ZNF624: variants seen among roughly 807,000 people sequenced by gnomAD.
ZNF624 encodes zinc finger protein 624.
A neutral mutation model predicts 74.7 loss-of-function variants in ZNF624; 43 were observed. The observed-to-expected ratio is 0.58, with a 90% CI of 0.45 to 0.74. The LOEUF (loss-of-function observed/expected upper bound fraction) is 0.74. Among genes scored for constraint, ZNF624 ranks in the 30% least tolerant of loss-of-function variants. ZNF624 has a pLI of 0.00. For missense variants in ZNF624, 820 were observed against 1,030.0 expected, an observed-to-expected ratio of 0.80 and a Z score of 2.79; for synonymous variants, 331 against 341.3, an observed-to-expected ratio of 0.97 and a Z score of 0.33.
chr17:16,635,065 TCC>T (rs1909295889), intron 3 of ZNF624, among the ~76,000 whole-genome samples: 1 of 152,216 alleles, frequency 6.6e-6, no homozygotes, highest in Non-Finnish European at 1.5e-5. Flanking sequence ...CACGGTTTCC[TCC>T]TTCCCTAGAA....
intron 3 of ZNF624, among the ~76,000 whole-genome samples, chr17:16,635,668 T>TATTA (rs1909311521): frequency 6.6e-6 from 1 of 152,136 alleles, no homozygotes; most frequent in South Asian, 2.1e-4. Context: ...TAAATAATCA[T>TATTA]ATTAATTACA....
intron 1 of ZNF624, among the ~76,000 whole-genome samples, chr17:16,652,290 C>A (rs1909744454): frequency 6.6e-6 from 1 of 152,072 alleles, no homozygotes; most frequent in African/African-American, 2.4e-5. Flanking sequence ...CCAAGTTTTA[C>A]AAGGTTGCAA....
In ZNF624 at chr17:16,652,017, G is replaced by A. The variant is rs552230068; in HGVS notation, c.-3+1747C>T. 1.9e-3 allele frequency among the ~76,000 whole-genome samples: 295 copies of A among 152,096 alleles called. 2 individuals are homozygous for A. The highest frequency in any genetic ancestry group is 6.7e-3 in the African/African-American group (276 of 41,478). The stretch of plus-strand genomic sequence containing the variant: ...CTGTTACACAATAGGGATTCTGAAG[G>A]GTGAAGGAGTGGGAGGGGGGTGGAG... On this transcript the variant is annotated intron_variant, in intron 1 of 5. Coordinates refer to ENST00000311331, the MANE Select transcript of ZNF624 (RefSeq NM_020787.4).
chr17:16,616,361 C>G (rs1908792563), downstream of ZNF624, among the ~76,000 whole-genome samples: 1 of 152,068 alleles, frequency 6.6e-6, no homozygotes, highest in Non-Finnish European at 1.5e-5. Context: ...TTCAATAAGG[C>G]AATCATCTTG....
intron 1 of ZNF624, among the ~76,000 whole-genome samples, chr17:16,652,066 T>C (rs1229291660): frequency 6.6e-6 from 1 of 152,066 alleles, no homozygotes; most frequent in Non-Finnish European, 1.5e-5. Flanking sequence ...TTAATGGGTA[T>C]AATGTACGTT....
At chr17:16,617,643 T>C (rs1397091281), downstream of ZNF624, 14 of 1,607,908 alleles carry the variant, frequency 8.7e-6, no homozygotes, top group Non-Finnish European at 1.7e-6. Context: ...TCCGTAGCTG[T>C]AGCTGTCGCG....
At chr17:16,653,299 G>A (rs973420563) in intron 1 of ZNF624, among the ~76,000 whole-genome samples, 6 of 150,910 alleles carry the variant, frequency 4.0e-5, no homozygotes, top group African/African-American at 1.4e-4. Context: ...ATCCCTGCCA[G>A]TTCAGAAGCC....
intron 3 of ZNF624, among the ~76,000 whole-genome samples, chr17:16,644,905 G>C (rs1255322053): frequency 6.6e-6 from 1 of 152,212 alleles, no homozygotes; most frequent in East Asian, 1.9e-4. Context: ...CAGAAAGAAT[G>C]AAAGTGACTT....
At chr17:16,616,333 GAATTT>G (rs1449179718), downstream of ZNF624, among the ~76,000 whole-genome samples, 4 of 151,852 alleles carry the variant, frequency 2.6e-5, no homozygotes, top group African/African-American at 9.7e-5. Context: ...ACATTTAAAG[GAATTT>G]AATAGTGACC....
At position 16,644,834 on chromosome 17, in the gene ZNF624, A is replaced by G. The variant is rs547024954; in HGVS notation, c.153+2495T>C. ...TTGAGCAACTACTGCTTTCTTACTC[A>G]TTAGACACCTCATCTTTTAAAGTCA... On this transcript the variant is annotated intron_variant, in intron 3 of 5. Transcript: ENST00000311331. 1.3e-3 allele frequency among the ~76,000 whole-genome samples: 203 copies of G among 152,342 alleles called. 1 individual carries two copies. Among genetic ancestry groups the G allele is most frequent in the African/African-American group, 4.8e-3 (198 of 41,576 alleles).
downstream of ZNF624, chr17:16,617,693 C>T (rs1001099264): frequency 8.7e-6 from 14 of 1,605,322 alleles, no homozygotes; most frequent in South Asian, 5.5e-5. Flanking sequence ...CGATCACGCG[C>T]TCGCCGCAGA....
At chr17:16,639,463 T>A (rs1264133669) in intron 3 of ZNF624, among the ~76,000 whole-genome samples, 3 of 152,142 alleles carry the variant, frequency 2.0e-5, no homozygotes, top group East Asian at 3.9e-4. Flanking sequence ...TGGGTTTTGT[T>A]TTCTTTCTTC....
rs761136829 is a variant in ZNF624, at chr17:16,622,498, G to C, written c.2388C>G (p.Thr796=). 6.2e-7 allele frequency: 1 copy of C among 1,613,692 alleles called. No homozygotes were observed. Among genetic ancestry groups the C allele is most frequent in the South Asian group, 1.1e-5 (1 of 91,032 alleles). The change falls in exon 6 of 6, where the codon ACC becomes ACG. Residue 796 remains threonine (T), a synonymous_variant. Transcript: ENST00000311331. ...GKGCITLSQL[T]LHQRIHTGER... is the part of the protein sequence containing the mutation. ...CCCCAGTATGAATTCTCTGATGTAG[G>C]GTTAGCTGTGATAGAGTAATACAAC...
chr17:16,645,061 T>TTATA (rs1909555894), intron 3 of ZNF624, among the ~76,000 whole-genome samples: 1 of 152,240 alleles, frequency 6.6e-6, no homozygotes, highest in Admixed American at 6.5e-5. Context: ...TATTGACTCT[T>TTATA]TTATACAGAG....
intron 2 of ZNF624, among the ~76,000 whole-genome samples, chr17:16,648,392 TCAA>T (rs1368134140): frequency 1.3e-5 from 2 of 152,244 alleles, no homozygotes; most frequent in African/African-American, 4.8e-5. Context: ...TAACTCTCCC[TCAA>T]CAACATCTTG....
rs955752947 is a variant in ZNF624 at position 16,632,957 on chromosome 17, T to C, written c.376+905A>G. Among the ~76,000 whole-genome samples the C allele has an allele frequency of 1.7e-4, 26 of 152,202 alleles. 1 individual carries two copies. Among genetic ancestry groups the C allele is most frequent in the Admixed American group, 1.7e-3 (26 of 15,282 alleles). The stretch of plus-strand genomic sequence containing the variant: ...GCATTCTCTGCTGTATCAGATCCTT[T>C]GCATTGTTGTTCCCTTAGCCTGGAA... On this transcript the variant is annotated intron_variant, in intron 5 of 5. Transcript: ENST00000311331.
At position 16,652,093 on chromosome 17, in the gene ZNF624, C is replaced by A. The variant is rs189570960; in HGVS notation, c.-3+1671G>T. Among the ~76,000 whole-genome samples the A allele has an allele frequency of 3.7e-3, 563 of 152,050 alleles. 3 individuals carry two copies. Among genetic ancestry groups the A allele is most frequent in the Non-Finnish European group, 4.6e-3 (316 of 68,002 alleles). On this transcript the variant is annotated intron_variant, in intron 1 of 5. Transcript: ENST00000311331. ...ATGTACGTTATTCTAGGGACAGATACCCTGAAAGCCCTGATCTCACCACTA... is the reference window on the plus strand; with the variant it reads ...ATGTACGTTATTCTAGGGACAGATAACCTGAAAGCCCTGATCTCACCACTA...
Position 16,624,079 on chromosome 17 carries a change from G to A in ZNF624, c.807C>T (p.Ser269=). The A allele has an allele frequency of 1.2e-6, 2 of 1,614,022 alleles. No homozygotes were observed. The highest frequency in any genetic ancestry group is 2.2e-5 in the East Asian group (1 of 44,868). ...ATTTGTAGGGTTTTTCCTTATTATT[G>A]GATTTTTTCCCCAAAGTTAGTTCTG... ...QTSELTLGKK[S]NNKEKPYKCS... is the part of the protein sequence containing the mutation. Residue 269 remains serine (S), a synonymous_variant, in exon 6 of 6, where the codon TCC becomes TCT. Coordinates refer to ENST00000311331, the MANE Select transcript of ZNF624 (RefSeq NM_020787.4).
downstream of ZNF624, among the ~76,000 whole-genome samples, chr17:16,618,698 C>T (rs1467804980): frequency 1.3e-5 from 2 of 152,066 alleles, no homozygotes; most frequent in Non-Finnish European, 2.9e-5. Flanking sequence ...TCCACCTTAG[C>T]CTGCTCAACG....
Sources: gnomAD v4.1 joint callset for allele counts (sites outside exome capture counted in the v4.1 genomes callset) on GRCh38, gnomAD v4.1.1 for gene constraint, MANE v1.5 for transcripts, NCBI Gene and HGNC (gene_info 2026-07-23, HGNC 2026-07-21) for gene names.